IL1RAPL2: variants seen among roughly 807,000 people sequenced by gnomAD.
IL1RAPL2 encodes the protein X-linked interleukin-1 receptor accessory protein-like 2.
A neutral mutation model predicts 44.1 loss-of-function variants in IL1RAPL2; 3 were observed. That is an observed-to-expected ratio of 0.07 (90% confidence interval 0.03 to 0.18). The LOEUF is 0.18. Among genes scored for constraint, IL1RAPL2 ranks in the 10% least tolerant of loss-of-function variants. The pLI, the probability that IL1RAPL2 is intolerant of heterozygous loss-of-function variation, is 1.00. For synonymous variants in IL1RAPL2, 181 were observed against 178.8 expected (o/e 1.01, Z -0.10); for missense variants, 391 against 496.4 (o/e 0.79, Z 2.02).
chrX:105,625,819 A>AG (rs2037449162), intron 6 of IL1RAPL2, among the ~76,000 whole-genome samples: 1 of 111,153 alleles, frequency 9.0e-6, no homozygotes, highest in Non-Finnish European at 1.9e-5. Context: ...AAAAAAAAAA[A>AG]TCAATGTTCC....
chrX:105,615,757 T>C (rs2037371077), intron 6 of IL1RAPL2, among the ~76,000 whole-genome samples: 1 of 111,923 alleles, frequency 8.9e-6, no homozygotes, highest in South Asian at 3.7e-4. Context: ...AGACCTAGTA[T>C]TTGCTAGCAC....
chrX:105,736,330 A>T (rs941476094), intron 7 of IL1RAPL2, among the ~76,000 whole-genome samples: 5 of 110,523 alleles, frequency 4.5e-5, no homozygotes, highest in Non-Finnish European at 7.6e-5. Context: ...CATGACAAAG[A>T]TGCCAAAAGC....
At chrX:104,846,049 T>G (rs935448727) in intron 2 of IL1RAPL2, among the ~76,000 whole-genome samples, 28 of 111,857 alleles carry the variant, frequency 2.5e-4, no homozygotes, top group African/African-American at 8.4e-4. Flanking sequence ...TAGTAGATAT[T>G]TGTTATTATC....
At chrX:105,574,627 A>G (rs1054633310) in intron 6 of IL1RAPL2, among the ~76,000 whole-genome samples, 27 of 112,180 alleles carry the variant, frequency 2.4e-4, no homozygotes, top group African/African-American at 8.7e-4. Flanking sequence ...TCCATCAGGC[A>G]GAAATCACTG....
intron 2 of IL1RAPL2, among the ~76,000 whole-genome samples, chrX:105,177,020 A>T (rs1324551166): frequency 1.8e-5 from 2 of 111,534 alleles, no homozygotes; most frequent in African/African-American, 6.5e-5. Flanking sequence ...AACAGTGTAT[A>T]GCAGGGGTCT....
chrX:104,718,247 C>T (rs998453009), intron 2 of IL1RAPL2, among the ~76,000 whole-genome samples: 7 of 111,305 alleles, frequency 6.3e-5, no homozygotes, highest in African/African-American at 1.3e-4. Context: ...CCTATTTCTC[C>T]ACATCCTCTC....
At chrX:105,064,912 A>G (rs766138732) in intron 2 of IL1RAPL2, among the ~76,000 whole-genome samples, 4 of 111,660 alleles carry the variant, frequency 3.6e-5, no homozygotes, top group Non-Finnish European at 5.6e-5. Flanking sequence ...CTCAGCTTCA[A>G]ATCTTAAAAA....
chrX:105,536,363 T>G (rs910665617), intron 6 of IL1RAPL2, among the ~76,000 whole-genome samples: 3 of 109,755 alleles, frequency 2.7e-5, no homozygotes, highest in African/African-American at 9.9e-5. Flanking sequence ...TTAATTCTTT[T>G]TATCTACATT....
At chrX:105,472,259 C>A (rs1271390423) in intron 5 of IL1RAPL2, among the ~76,000 whole-genome samples, 3 of 111,858 alleles carry the variant, frequency 2.7e-5, no homozygotes, top group Non-Finnish European at 5.6e-5. Context: ...AACCCAATTT[C>A]TTGACAAAGT....
At chrX:104,869,852 T>C (rs1284489052) in intron 2 of IL1RAPL2, among the ~76,000 whole-genome samples, 2 of 112,080 alleles carry the variant, frequency 1.8e-5, no homozygotes, top group African/African-American at 6.5e-5. Context: ...CTGATTTCAT[T>C]TCTTCTTTAG....
chrX:105,136,976 T>A (rs1287612960), intron 2 of IL1RAPL2, among the ~76,000 whole-genome samples: 1 of 112,154 alleles, frequency 8.9e-6, no homozygotes, highest in Non-Finnish European at 1.9e-5. Flanking sequence ...CATTTCCCTA[T>A]CAGAAGCCAC....
At chrX:104,593,014 G>A (rs1928698540) in intron 1 of IL1RAPL2, among the ~76,000 whole-genome samples, 1 of 111,463 alleles carries the variant, frequency 9.0e-6, no homozygotes, top group Non-Finnish European at 1.9e-5. Context: ...TTTAGATGGG[G>A]TCTCTGAACC....
At chrX:105,172,186 G>A (rs1008359440) in intron 2 of IL1RAPL2, among the ~76,000 whole-genome samples, 28 of 112,635 alleles carry the variant, frequency 2.5e-4, no homozygotes, top group Non-Finnish European at 1.1e-4. Flanking sequence ...TGGATGAGGA[G>A]AGGAACTGAT....
intron 1 of IL1RAPL2, among the ~76,000 whole-genome samples, chrX:104,585,457 T>C (rs1400026689): frequency 1.3e-5 from 1 of 76,128 alleles, no homozygotes; most frequent in Non-Finnish European, 2.4e-5. Context: ...TCTCTGCACC[T>C]TTTAAGTTCA....
rs377147139 is a variant in IL1RAPL2, at chrX:105,555,076, G to T, written c.772+70689G>T. Among the ~76,000 whole-genome samples the T allele has an allele frequency of 5.9e-3, 489 of 82,891 alleles. 4 individuals carry two copies. The highest frequency in any genetic ancestry group is 0.018 in the African/African-American group (425 of 23,327). The allele number at this position is 82,891 out of a possible 115,157, so 72.0% of individuals were successfully genotyped here. A position where few individuals can be genotyped will look rare whatever the true frequency, so the allele number is the denominator to read the frequency against. On this transcript the variant is annotated intron_variant, in intron 6 of 10. Transcript: ENST00000372582. ...CTCAGTTTACAGCTCTCTGGTAGTTGTTTTTTTTTTTTTTTTTCTTGCCTT... is the reference window on the plus strand; with the variant it reads ...CTCAGTTTACAGCTCTCTGGTAGTTTTTTTTTTTTTTTTTTTTCTTGCCTT...
At chrX:105,508,399 T>C (rs2036445968) in intron 6 of IL1RAPL2, among the ~76,000 whole-genome samples, 1 of 111,306 alleles carries the variant, frequency 9.0e-6, no homozygotes, top group Non-Finnish European at 1.9e-5. Flanking sequence ...TATAGATGTA[T>C]GGATAGATTA....
intron 2 of IL1RAPL2, among the ~76,000 whole-genome samples, chrX:104,942,409 C>T (rs778169157): frequency 4.0e-4 from 44 of 110,916 alleles, no homozygotes; most frequent in Non-Finnish European, 7.9e-4. Flanking sequence ...TTGAAGAGGT[C>T]CTTCACATCC....
intron 2 of IL1RAPL2, among the ~76,000 whole-genome samples, chrX:104,900,294 T>A (rs1473236243): frequency 3.6e-5 from 4 of 111,860 alleles, no homozygotes; most frequent in Non-Finnish European, 7.5e-5. Flanking sequence ...GTTTTGTTTA[T>A]CACATCAATC....
intron 2 of IL1RAPL2, among the ~76,000 whole-genome samples, chrX:104,830,269 TG>T (rs1921570424): frequency 9.0e-6 from 1 of 110,721 alleles, no homozygotes; most frequent in African/African-American, 3.3e-5. Context: ...ATCTTAGACC[TG>T]AAGGTAGGTA....
Sources: gnomAD v4.1 joint callset for allele counts (sites outside exome capture counted in the v4.1 genomes callset) on GRCh38, gnomAD v4.1.1 for gene constraint, MANE v1.5 for transcripts, NCBI Gene and HGNC (gene_info 2026-07-23, HGNC 2026-07-21) for gene names.